The following RALYL variants were observed in gnomAD, a reference collection of about 807,000 sequenced individuals.
The protein encoded by RALYL is RALY RNA binding protein like.
In RALYL, 29 loss-of-function variants were observed where a neutral mutation model predicts 35.1. That is an observed-to-expected ratio of 0.83 (90% confidence interval 0.61 to 1.13). The LOEUF (loss-of-function observed/expected upper bound fraction) is 1.13. RALYL is among the 50% of genes most tolerant of loss of function. The pLI, the probability that RALYL is intolerant of heterozygous loss-of-function variation, is 0.00. For synonymous variants in RALYL, 120 were observed against 127.6 expected (o/e 0.94, Z 0.40); for missense variants, 359 against 360.4 (o/e 1.00, Z 0.03).
At chr8:84,670,118 CT>C (rs1714404759) in intron 2 of RALYL, among the ~76,000 whole-genome samples, 1 of 150,522 alleles carries the variant, frequency 6.6e-6, no homozygotes, top group South Asian at 2.1e-4. Flanking sequence ...CTATTTCCTG[CT>C]GAAAAAAAAA....
At chr8:84,858,824 G>A (rs201330668) in intron 5 of RALYL, among the ~76,000 whole-genome samples, 1 of 152,020 alleles carries the variant, frequency 6.6e-6, no homozygotes, top group Non-Finnish European at 1.5e-5. Flanking sequence ...GTCTTGTTAT[G>A]TTTTTGTACA....
At position 84,584,601 on chromosome 8, in the gene RALYL, C is replaced by CAAA. The variant is rs34560691; in HGVS notation, c.256+55037_256+55039dup. ...CTGGCAACAGAGCAAGACTCTGTCTCAAAAAAAAAAAAAAATTGATGATTT... is the reference window on the plus strand; with the variant it reads ...CTGGCAACAGAGCAAGACTCTGTCTCAAAAAAAAAAAAAAAAAATTGATGATTT... On this transcript the variant is annotated intron_variant, in intron 2 of 8. Coordinates refer to ENST00000521268, the MANE Select transcript of RALYL (RefSeq NM_173848.7). Among the ~76,000 whole-genome samples the CAAA allele has an allele frequency of 1.4e-3, 189 of 133,362 alleles. 1 individual carries two copies. Among genetic ancestry groups the CAAA allele is most frequent in the Middle Eastern group, 4.3e-3 (1 of 234 alleles). The allele number at this position is 133,362 out of a possible 152,430, so 87.5% of individuals were successfully genotyped here.
intron 1 of RALYL, among the ~76,000 whole-genome samples, chr8:84,371,974 C>CAGA (rs200813761): frequency 0.03 from 4,488 of 151,996 alleles, 214 homozygotes; most frequent in African/African-American, 0.1. Context: ...TTGTGATTAG[C>CAGA]AGAAGAGCTG....
intron 1 of RALYL, among the ~76,000 whole-genome samples, chr8:84,496,014 G>A (rs1194557397): frequency 2.0e-5 from 3 of 151,934 alleles, no homozygotes; most frequent in African/African-American, 7.2e-5. Flanking sequence ...GTCATTTTGT[G>A]ATATTTAAGA....
rs1193744279 is a variant in RALYL, at chr8:84,466,782, T to C, written c.-23-62517T>C. ...TGAATCCATCTGGTCCTGGACTCTT[T>C]TGGTTGGTAAGCTATTGATTATTGC... On this transcript the variant is annotated intron_variant, in intron 1 of 8. Transcript: ENST00000521268. 4.6e-5 allele frequency among the ~76,000 whole-genome samples: 3 copies of C among 65,220 alleles called. No homozygotes were observed. In the South Asian group the frequency reaches 2.7e-3, roughly 58 times the overall value. The allele number at this position is 65,220 out of a possible 152,430, so 42.8% of individuals were successfully genotyped here. A position where few individuals can be genotyped will look rare whatever the true frequency, so the allele number is the denominator to read the frequency against.
chr8:84,243,970 G>T (rs1828548135), intron 1 of RALYL, among the ~76,000 whole-genome samples: 1 of 152,094 alleles, frequency 6.6e-6, no homozygotes, highest in South Asian at 2.1e-4. Flanking sequence ...CAATGTAAAT[G>T]AATATAGGTT....
intron 2 of RALYL, among the ~76,000 whole-genome samples, chr8:84,769,354 C>A (rs969284118): frequency 2.0e-5 from 3 of 152,162 alleles, no homozygotes; most frequent in Admixed American, 2.0e-4. Flanking sequence ...AGCTTTGAAG[C>A]TCTAATGGGG....
Position 84,701,048 on chromosome 8 carries a change from A to G in RALYL, c.257-73531A>G, listed in dbSNP as rs534601709. On this transcript the variant is annotated intron_variant, in intron 2 of 8. Coordinates refer to ENST00000521268, the MANE Select transcript of RALYL (RefSeq NM_173848.7). ...GCCAGTGTTACCACAGGGGCAGCTG[A>G]TAAGATAAGGAGGAAAGGGTAAGAG... 2.0e-5 allele frequency among the ~76,000 whole-genome samples: 3 copies of G among 152,318 alleles called. No homozygotes were observed. In the South Asian group the frequency reaches 6.2e-4, roughly 32 times the overall value.
chr8:84,845,956 G>T (rs1376329294), intron 4 of RALYL, among the ~76,000 whole-genome samples: 1 of 152,090 alleles, frequency 6.6e-6, no homozygotes, highest in Non-Finnish European at 1.5e-5. Context: ...GTAGGTGTAT[G>T]TCCTTATTTC....
chr8:84,643,079 C>A (rs1826729194), intron 2 of RALYL, among the ~76,000 whole-genome samples: 1 of 151,846 alleles, frequency 6.6e-6, no homozygotes, highest in South Asian at 2.1e-4. Flanking sequence ...GTAGGGCCCA[C>A]ACACAAAGGT....
intron 1 of RALYL, among the ~76,000 whole-genome samples, chr8:84,265,473 G>A (rs954860400): frequency 3.3e-5 from 5 of 152,158 alleles, no homozygotes; most frequent in Non-Finnish European, 7.3e-5. Flanking sequence ...GCTGGGACAG[G>A]CCCTCAGCTG....
intron 8 of RALYL, among the ~76,000 whole-genome samples, chr8:84,901,222 T>C (rs1162884406): frequency 6.6e-6 from 1 of 152,112 alleles, no homozygotes; most frequent in African/African-American, 2.4e-5. Flanking sequence ...AAGTAAATGC[T>C]CTAAGAAAAG....
chr8:84,734,582 T>G (rs1248401199), intron 2 of RALYL, among the ~76,000 whole-genome samples: 1 of 152,142 alleles, frequency 6.6e-6, no homozygotes, highest in Non-Finnish European at 1.5e-5. Context: ...AGTCCTAGAA[T>G]GCTAAAATGC....
intron 1 of RALYL, among the ~76,000 whole-genome samples, chr8:84,464,662 G>T (rs1336023347): frequency 1.3e-5 from 2 of 151,924 alleles, no homozygotes; most frequent in African/African-American, 2.4e-5. Flanking sequence ...ACCCAGTAAT[G>T]GGATGGCTGG....
At chr8:84,545,072 T>C (rs2060266100) in intron 2 of RALYL, among the ~76,000 whole-genome samples, 1 of 152,138 alleles carries the variant, frequency 6.6e-6, no homozygotes, top group Non-Finnish European at 1.5e-5. Flanking sequence ...CTCATGCAGT[T>C]TATGTCTCTT....
At chr8:84,441,711 C>G (rs1227313215) in intron 1 of RALYL, among the ~76,000 whole-genome samples, 1 of 152,048 alleles carries the variant, frequency 6.6e-6, no homozygotes, top group Non-Finnish European at 1.5e-5. Context: ...ATCAGATCGG[C>G]AAATTTTGTT....
intron 1 of RALYL, among the ~76,000 whole-genome samples, chr8:84,432,317 G>T (rs1011554870): frequency 6.6e-6 from 1 of 152,118 alleles, no homozygotes; most frequent in African/African-American, 2.4e-5. Context: ...TATATGAGGA[G>T]TCTAAAATAG....
At chr8:84,782,125 T>G (rs1440665724) in intron 3 of RALYL, among the ~76,000 whole-genome samples, 1 of 152,178 alleles carries the variant, frequency 6.6e-6, no homozygotes, top group Non-Finnish European at 1.5e-5. Context: ...GATATTCCTT[T>G]CCTTTCTGCT....
At position 84,647,977 on chromosome 8, in the gene RALYL, AT is replaced by A. The variant is rs532856832; in HGVS notation, c.256+118403del. On this transcript the variant is annotated intron_variant, in intron 2 of 8. Transcript: ENST00000521268. ...TACATTAAATGGTCCATGTCAAAGTATTTCCCTATACAGTAGTAGGTAATGG... is the reference window on the plus strand; with the variant it reads ...TACATTAAATGGTCCATGTCAAAGTATTCCCTATACAGTAGTAGGTAATGG... Among the ~76,000 whole-genome samples the A allele has an allele frequency of 6.6e-5, 10 of 152,214 alleles. No homozygotes were observed. The South Asian group carries it at 1.7e-3, about 25-fold the overall frequency.
Sources: gnomAD v4.1 joint callset for allele counts (sites outside exome capture counted in the v4.1 genomes callset) on GRCh38, gnomAD v4.1.1 for gene constraint, MANE v1.5 for transcripts, NCBI Gene and HGNC (gene_info 2026-07-23, HGNC 2026-07-21) for gene names.